Variants in HERC4 observed in about 807,000 individuals in gnomAD.
The protein encoded by HERC4 is probable E3 ubiquitin-protein ligase HERC4.
In HERC4, 28 loss-of-function variants were observed where a neutral mutation model predicts 124.3. The ratio of observed to expected loss-of-function variants is 0.23; its 90% CI spans 0.17 to 0.31. HERC4 has a LOEUF of 0.31. HERC4 is among the 10% of genes least tolerant of loss of function. The pLI is 1.00. For synonymous variants in HERC4, 407 were observed against 421.5 expected (o/e 0.97, Z 0.42); for missense variants, 713 against 1,229.3 (o/e 0.58, Z 6.28).
At chr10:67,934,789 G>C (rs1449883553) in intron 22 of HERC4, among the ~76,000 whole-genome samples, 5 of 151,968 alleles carry the variant, frequency 3.3e-5, no homozygotes, top group African/African-American at 1.2e-4. Context: ...TTTCTGGACA[G>C]TTTTAGGGTC....
At chr10:68,029,483 C>T (rs1375839908) in intron 7 of HERC4, among the ~76,000 whole-genome samples, 3 of 151,522 alleles carry the variant, frequency 2.0e-5, no homozygotes, top group Non-Finnish European at 2.9e-5. Context: ...CAGAACAAGA[C>T]TCCATCTCAA....
At chr10:68,069,383 A>G (rs1242937373) in intron 3 of HERC4, 9 of 985,192 alleles carry the variant, frequency 9.1e-6, no homozygotes, top group African/African-American at 1.7e-5. Flanking sequence ...GAAATAATTC[A>G]GAAAAGCCAG....
chr10:67,954,477 A>C, intron 19 of HERC4, 118 bp downstream of exon 19: 2 of 742,608 alleles, frequency 2.7e-6, no homozygotes, highest in South Asian at 4.1e-5. Flanking sequence ...GTAATAAAGC[A>C]GATCTTATAT....
chr10:67,967,910 G>A (rs1375839010), intron 15 of HERC4, among the ~76,000 whole-genome samples: 3 of 14,896 alleles, frequency 2.0e-4, no homozygotes, highest in Non-Finnish European at 8.2e-4. Flanking sequence ...AGGTAGCAGG[G>A]ATTGAAAAAA....
At chr10:68,062,347 A>AT (rs2041067678) in intron 3 of HERC4, among the ~76,000 whole-genome samples, 1 of 152,192 alleles carries the variant, frequency 6.6e-6, no homozygotes, top group Admixed American at 6.6e-5. Context: ...ACCTAGGATC[A>AT]TACCTGGCTC....
intron 15 of HERC4, among the ~76,000 whole-genome samples, chr10:67,985,709 A>G (rs2036222278): frequency 2.0e-5 from 3 of 152,372 alleles, no homozygotes; most frequent in Admixed American, 2.0e-4. Flanking sequence ...ATTTGCCAGT[A>G]AACTCATTTA....
At chr10:67,962,818 CAG>C (rs894199430) in intron 16 of HERC4, among the ~76,000 whole-genome samples, 14 of 152,122 alleles carry the variant, frequency 9.2e-5, no homozygotes, top group Non-Finnish European at 1.8e-4. Context: ...AGCAAGAGAA[CAG>C]AGTTATTAGA....
intron 15 of HERC4, among the ~76,000 whole-genome samples, chr10:67,984,044 G>A (rs1229441077): frequency 6.6e-6 from 1 of 152,074 alleles, no homozygotes; most frequent in East Asian, 1.9e-4. Context: ...GCTCACGCCC[G>A]TAATCCCAAC....
chr10:68,023,616 A>G (rs1273243036), intron 8 of HERC4, among the ~76,000 whole-genome samples: 1 of 152,194 alleles, frequency 6.6e-6, no homozygotes, highest in Non-Finnish European at 1.5e-5. Flanking sequence ...AAAGAATTCT[A>G]GAGATGAATG....
At chr10:67,982,300 T>C (rs1282141666) in intron 15 of HERC4, among the ~76,000 whole-genome samples, 4 of 151,488 alleles carry the variant, frequency 2.6e-5, no homozygotes, top group Non-Finnish European at 5.9e-5. Flanking sequence ...AATTTGTTTC[T>C]AGAGAACCTA....
chr10:67,935,627 G>A (rs1403870689), intron 22 of HERC4, among the ~76,000 whole-genome samples: 2 of 152,174 alleles, frequency 1.3e-5, no homozygotes. Flanking sequence ...AATTTCTCCA[G>A]AAGGTAAATT....
At chr10:68,004,267 A>T (rs1178579313) in intron 9 of HERC4, among the ~76,000 whole-genome samples, 3 of 152,216 alleles carry the variant, frequency 2.0e-5, no homozygotes, top group East Asian at 1.9e-4. Context: ...GAGTTGAAAC[A>T]ACAGAGTTGT....
At chr10:67,963,235 G>A (rs2034633488) in intron 16 of HERC4, among the ~76,000 whole-genome samples, 1 of 151,852 alleles carries the variant, frequency 6.6e-6, no homozygotes, top group Non-Finnish European at 1.5e-5. Flanking sequence ...TTTATTTTTT[G>A]AGATGGAGTC....
At chr10:68,066,272 T>C (rs2041298587) in intron 3 of HERC4, among the ~76,000 whole-genome samples, 1 of 152,228 alleles carries the variant, frequency 6.6e-6, no homozygotes. Flanking sequence ...ATTTGTATGA[T>C]ATATTGGGAA....
intron 15 of HERC4, among the ~76,000 whole-genome samples, chr10:67,971,249 T>C (rs1182650645): frequency 4.6e-5 from 7 of 152,120 alleles, no homozygotes; most frequent in South Asian, 2.1e-4. Flanking sequence ...AATCAAACTT[T>C]TTCAGAAAAT....
At chr10:68,010,696 C>G in intron 9 of HERC4, 2 of 1,481,210 alleles carry the variant, frequency 1.4e-6, no homozygotes, top group Middle Eastern at 1.8e-4. Context: ...TACACATGTT[C>G]TTGAAGCTAA....
chr10:67,984,651 C>T (rs1450998377), intron 15 of HERC4, among the ~76,000 whole-genome samples: 2 of 152,062 alleles, frequency 1.3e-5, no homozygotes, highest in South Asian at 2.1e-4. Context: ...GGCACGATTT[C>T]GACTCACTGC....
chr10:67,976,029 G>GTT (rs74909384), intron 15 of HERC4, among the ~76,000 whole-genome samples: 7 of 141,420 alleles, frequency 4.9e-5, no homozygotes, highest in African/African-American at 1.0e-4. Context: ...GCTACCCACT[G>GTT]TTTTTTTTTT....
At chr10:67,994,407 G>C (rs2036735383) in intron 9 of HERC4, 1 of 152,026 alleles carries the variant, frequency 6.6e-6, no homozygotes, top group Non-Finnish European at 1.5e-5. Context: ...CAAAAGTTAA[G>C]TTTCCTTAAT....
Sources: allele counts gnomAD v4.1 joint callset (sites outside exome capture counted in the v4.1 genomes callset), GRCh38; gene constraint gnomAD v4.1.1; transcripts MANE v1.5; gene names NCBI Gene and HGNC (gene_info 2026-07-23, HGNC 2026-07-21).